MICAL2: variants seen among roughly 807,000 people sequenced by gnomAD.
The protein encoded by MICAL2 is microtubule associated monooxygenase, calponin and LIM domain containing 2, also known as [F-actin]-monooxygenase MICAL2.
A neutral mutation model predicts 127.3 loss-of-function variants in MICAL2; 77 were observed. The observed-to-expected ratio is 0.60, with a 90% CI of 0.50 to 0.73. The LOEUF is 0.73. Ranked by LOEUF, MICAL2 falls within the 30% of genes least tolerant of loss-of-function variation. The pLI is 0.00. For synonymous variants in MICAL2, 570 were observed against 551.1 expected, an observed-to-expected ratio of 1.03 and a Z score of -0.48; for missense variants, 1,351 against 1,434.4, an observed-to-expected ratio of 0.94 and a Z score of 0.94.
At chr11:12,333,000 T>C (rs1051235777) in intron 32 of MICAL2, among the ~76,000 whole-genome samples, 2 of 152,176 alleles carry the variant, frequency 1.3e-5, no homozygotes, top group African/African-American at 4.8e-5. Flanking sequence ...TCACCTCTGT[T>C]TCCAGCTTCA....
intron 30 of MICAL2, among the ~76,000 whole-genome samples, chr11:12,322,853 C>T (rs1408563153): frequency 6.6e-6 from 1 of 152,150 alleles, no homozygotes; most frequent in Non-Finnish European, 1.5e-5. Context: ...ACTGAGTGTT[C>T]TTCCCATGTC....
Position 12,260,334 on chromosome 11 carries a change from G to A in MICAL2, c.3334+437G>A. The A allele has an allele frequency of 2.8e-6, 4 of 1,407,796 alleles. No homozygotes were observed. In the East Asian group the frequency reaches 1.0e-4, roughly 36 times the overall value. 87.2% of individuals were successfully genotyped at this position (1,407,796 alleles called of 1,614,324 possible). A position where few individuals can be genotyped will look rare whatever the true frequency, so the allele number is the denominator to read the frequency against. ...GGGCCACCTCCGCCTGGCCTTATCA[G>A]GGTGAACATCTACTCACGGTGCTAG... On this transcript the variant is annotated intron_variant, in intron 26 of 27. Coordinates refer to ENST00000683283, the MANE Select transcript of MICAL2 (RefSeq NM_001282663.2).
intron 29 of MICAL2, among the ~76,000 whole-genome samples, chr11:12,309,543 G>GTA (rs1340078124): frequency 1.3e-5 from 2 of 151,980 alleles, no homozygotes; most frequent in African/African-American, 4.8e-5. Flanking sequence ...ATTCCATTGT[G>GTA]TATATATATA....
intron 3 of MICAL2, among the ~76,000 whole-genome samples, chr11:12,191,779 G>T (rs1859172032): frequency 8.3e-6 from 1 of 120,956 alleles, no homozygotes; most frequent in East Asian, 2.9e-4. Flanking sequence ...AAAAGAAAAA[G>T]AAAAAAAGAG....
At chr11:12,338,915 A>G (rs891205152) in intron 32 of MICAL2, among the ~76,000 whole-genome samples, 2 of 152,110 alleles carry the variant, frequency 1.3e-5, no homozygotes, top group Non-Finnish European at 2.9e-5. Context: ...ACTTTGGTGA[A>G]TCTGACAATT....
At chr11:12,127,238 C>G (rs1851002823) in intron 1 of MICAL2, among the ~76,000 whole-genome samples, 1 of 152,168 alleles carries the variant, frequency 6.6e-6, no homozygotes, top group Non-Finnish European at 1.5e-5. Flanking sequence ...TAGCCTCCAG[C>G]CTCCTGGAGC....
downstream of MICAL2, among the ~76,000 whole-genome samples, chr11:12,289,578 T>TTC (rs1565294744): frequency 2.0e-5 from 3 of 147,914 alleles, no homozygotes; most frequent in Non-Finnish European, 3.0e-5. Context: ...TTTTTTTTTT[T>TTC]TTCTTCTTGA....
At position 12,259,849 on chromosome 11, in the gene MICAL2, A is replaced by C; in HGVS notation, c.3286A>C (p.Ser1096Arg). ...CCCTCGGAGAGACACTCCCACCGAA[A>C]GTTCTTGCGCAGTGGCCGCCATTGG... ...EAPRRDTPTE[S>R]SCAVAAIGTL... The change falls in exon 26 of 28, where the codon AGT becomes CGT. Residue 1096 changes from serine (S) to arginine (R), a missense_variant. Transcript: ENST00000683283. The C allele has an allele frequency of 6.2e-7, 1 of 1,601,102 alleles. No homozygotes were observed. Among genetic ancestry groups the C allele is most frequent in the Non-Finnish European group, 8.5e-7 (1 of 1,172,374 alleles).
intron 1 of MICAL2, among the ~76,000 whole-genome samples, chr11:12,133,451 A>C (rs1162467314): frequency 1.3e-5 from 2 of 152,132 alleles, no homozygotes; most frequent in Non-Finnish European, 2.9e-5. Flanking sequence ...GGGAATTAAA[A>C]CCATGCTATT....
At chr11:12,333,474 A>G (rs962687629) in intron 32 of MICAL2, among the ~76,000 whole-genome samples, 1 of 152,192 alleles carries the variant, frequency 6.6e-6, no homozygotes, top group Non-Finnish European at 1.5e-5. Flanking sequence ...TCAGTAATAA[A>G]ATAATGTTGC....
At chr11:12,241,221 T>A (rs887758462) in intron 18 of MICAL2, 59 bp downstream of exon 18, 1 of 1,573,140 alleles carries the variant, frequency 6.4e-7, no homozygotes, top group African/African-American at 1.4e-5. Flanking sequence ...TTGATCCAGA[T>A]GGGTGGGGTC....
At chr11:12,283,001 A>G (rs1009887980) in intron 2 of MICAL2, among the ~76,000 whole-genome samples, 6 of 152,190 alleles carry the variant, frequency 3.9e-5, no homozygotes, top group African/African-American at 1.4e-4. Flanking sequence ...GTCCAGTTTA[A>G]CGCCAGAATA....
chr11:12,345,639 G>C (rs1407221744), intron 32 of MICAL2, among the ~76,000 whole-genome samples: 1 of 152,134 alleles, frequency 6.6e-6, no homozygotes, highest in Non-Finnish European at 1.5e-5. Context: ...TCTTGAATTG[G>C]GTTATGAAAA....
At position 12,222,621 on chromosome 11, in the gene MICAL2, A is replaced by G. The variant is rs1856956859; in HGVS notation, c.1327A>G (p.Ser443Gly). ...PPLELLAERESLYRLLPQTTP... is the reference protein window; with the variant it reads ...PPLELLAEREGLYRLLPQTTP... ...CCAGGCTCCGCCTCCCTCCAGGGAA[A>G]GTCTCTACCGGCTGTTACCTCAGAC... The change falls in exon 11 of 28, where the codon AGT becomes GGT. Residue 443 changes from serine (S) to glycine (G), a missense_variant. By Grantham distance (56) the Ser-to-Gly change is moderately conservative. Coordinates refer to ENST00000683283, the MANE Select transcript of MICAL2 (RefSeq NM_001282663.2). The G allele has an allele frequency of 1.9e-6, 3 of 1,614,226 alleles. No homozygotes were observed. The highest frequency in any genetic ancestry group is 1.1e-5 in the South Asian group (1 of 91,084).
chr11:12,279,682 C>G (rs973821892), intron 1 of MICAL2, among the ~76,000 whole-genome samples: 1 of 152,260 alleles, frequency 6.6e-6, no homozygotes. Context: ...CTTCCTGCCT[C>G]TCTCTCTGCT....
chr11:12,246,734 G>T lies in MICAL2; in HGVS notation c.2785-2450G>T, dbSNP rs944954398. Reference sequence around the variant, plus strand: ...TCCTGCCTCAGCCTTCCACCCCTGAGTACCTGGGACTATAGATGTGAATCA... The same window carrying T: ...TCCTGCCTCAGCCTTCCACCCCTGATTACCTGGGACTATAGATGTGAATCA... On this transcript the variant is annotated intron_variant, in intron 21 of 27. Transcript: ENST00000683283. 2.0e-5 allele frequency among the ~76,000 whole-genome samples: 3 copies of T among 152,194 alleles called. No homozygotes were observed. In the East Asian group the frequency reaches 5.8e-4, roughly 29 times the overall value.
intron 32 of MICAL2, among the ~76,000 whole-genome samples, chr11:12,328,484 C>T (rs1191942517): frequency 6.6e-6 from 1 of 152,042 alleles, no homozygotes; most frequent in African/African-American, 2.4e-5. Context: ...ACAGCACCTG[C>T]AAAGGTCAAA....
intron 1 of MICAL2, among the ~76,000 whole-genome samples, chr11:12,134,217 A>G (rs1590022438): frequency 6.6e-6 from 1 of 152,190 alleles, no homozygotes; most frequent in East Asian, 1.9e-4. Flanking sequence ...GTACTCAAAC[A>G]AGGCAAGTTT....
intron 1 of MICAL2, among the ~76,000 whole-genome samples, chr11:12,132,157 CT>C (rs1240633958): frequency 6.6e-6 from 1 of 152,212 alleles, no homozygotes; most frequent in Non-Finnish European, 1.5e-5. Context: ...GTCCTGGCCC[CT>C]GTTTCCCATG....
Sources: allele counts gnomAD v4.1 joint callset (sites outside exome capture counted in the v4.1 genomes callset), GRCh38; gene constraint gnomAD v4.1.1; transcripts MANE v1.5; gene names NCBI Gene and HGNC (gene_info 2026-07-23, HGNC 2026-07-21).